The following SLAIN2 variants were observed in gnomAD, a reference collection of about 807,000 sequenced individuals.
The protein encoded by SLAIN2 is SLAIN family member 2.
In SLAIN2, 31 loss-of-function variants were observed where a neutral mutation model predicts 56.6. The observed-to-expected ratio is 0.55, with a 90% CI of 0.41 to 0.74. The LOEUF is 0.74. Ranked by LOEUF, SLAIN2 falls within the 30% of genes least tolerant of loss-of-function variation. The pLI, the probability that SLAIN2 is intolerant of heterozygous loss-of-function variation, is 0.00. For missense variants in SLAIN2, 777 were observed against 754.2 expected (o/e 1.03, Z -0.35); for synonymous variants, 317 against 284.9 (o/e 1.11, Z -1.13).
chr4:48,394,383 T>G (rs1716323592), intron 6 of SLAIN2, among the ~76,000 whole-genome samples: 1 of 152,224 alleles, frequency 6.6e-6, no homozygotes, highest in South Asian at 2.1e-4. Flanking sequence ...TTCTATCCCC[T>G]TTTCTTTCCA....
intron 6 of SLAIN2, among the ~76,000 whole-genome samples, chr4:48,413,921 T>G (rs1034075091): frequency 3.3e-5 from 5 of 152,216 alleles, no homozygotes; most frequent in African/African-American, 1.2e-4. Flanking sequence ...ATGTATAATT[T>G]ATTCAGTTTT....
chr4:48,379,420 G>T (rs548095733), intron 3 of SLAIN2, among the ~76,000 whole-genome samples: 1 of 152,106 alleles, frequency 6.6e-6, no homozygotes, highest in South Asian at 2.1e-4. Context: ...TACTTGCCAG[G>T]CACTGTGCTG....
At chr4:48,342,187 C>T (rs963620615) in intron 1 of SLAIN2, 59 bp downstream of exon 1, 3 of 1,328,498 alleles carry the variant, frequency 2.3e-6, no homozygotes, top group Non-Finnish European at 2.9e-6. Flanking sequence ...CGGAGAGCGT[C>T]CTCTGAGGGT....
At chr4:48,383,534 T>G in intron 5 of SLAIN2, 113 bp from the exon 6 acceptor site, 1 of 1,009,166 alleles carries the variant, frequency 9.9e-7, no homozygotes, top group Non-Finnish European at 1.4e-6. Context: ...TATTTTCTCA[T>G]CTAAAATAAA....
At chr4:48,411,549 C>CATTT (rs1716847215) in intron 6 of SLAIN2, among the ~76,000 whole-genome samples, 1 of 151,448 alleles carries the variant, frequency 6.6e-6, no homozygotes, top group Non-Finnish European at 1.5e-5. Flanking sequence ...ATCTGGACTT[C>CATTT]ATTTTCCTTT....
intron 6 of SLAIN2, among the ~76,000 whole-genome samples, chr4:48,400,388 CTTTTTTTTTTTTT>C (rs3081372): frequency 4.1e-5 from 4 of 96,440 alleles, no homozygotes; most frequent in Non-Finnish European, 7.8e-5. Context: ...TTTGATTCTT[CTTTTTTTTTTTTT>C]TTTTTTTTTT....
At chr4:48,347,514 G>T (rs562232821) in intron 1 of SLAIN2, among the ~76,000 whole-genome samples, 17 of 152,318 alleles carry the variant, frequency 1.1e-4, no homozygotes, top group African/African-American at 3.8e-4. Context: ...CTCCCAAAGT[G>T]TTGGGATTAT....
rs1345265677 is a variant in SLAIN2, at chr4:48,383,704, C to T, written c.1280C>T (p.Ser427Leu). 1 of 1,610,386 alleles carries T rather than the reference C, an allele frequency of 6.2e-7. No homozygotes were observed. Among genetic ancestry groups the T allele is most frequent in the Non-Finnish European group, 8.5e-7 (1 of 1,177,790 alleles). Residue 427 changes from serine (S) to leucine (L), a missense_variant, in exon 6 of 8, where the codon TCA (serine) becomes TTA (leucine). By Grantham distance (145) the Ser-to-Leu change is moderately radical. Coordinates refer to ENST00000264313, the MANE Select transcript of SLAIN2 (RefSeq NM_020846.2). ...LSRTSNTQVD[S>L]VKSSRSDSNF... ...CGAACATCTAATACACAAGTTGACT[C>T]AGTGAAAAGCAGCAGAAGTGACTCA...
At chr4:48,351,194 T>C (rs1317925816) in intron 1 of SLAIN2, among the ~76,000 whole-genome samples, 1 of 152,208 alleles carries the variant, frequency 6.6e-6, no homozygotes, top group Non-Finnish European at 1.5e-5. Context: ...TGGGCCAAGC[T>C]AGTCTGTAAG....
chr4:48,385,747 C>T (rs902173596), intron 6 of SLAIN2, among the ~76,000 whole-genome samples: 8 of 151,488 alleles, frequency 5.3e-5, no homozygotes, highest in Admixed American at 4.0e-4. Flanking sequence ...GATCCTCCTG[C>T]GTAGCTGGGA....
intron 2 of SLAIN2, among the ~76,000 whole-genome samples, chr4:48,376,625 T>A (rs1486201796): frequency 2.8e-5 from 4 of 140,538 alleles, no homozygotes; most frequent in Non-Finnish European, 3.1e-5. Flanking sequence ...TTGACTTTTT[T>A]TTTTTTTTTT....
At chr4:48,346,223 CTT>C (rs1459734179) in intron 1 of SLAIN2, among the ~76,000 whole-genome samples, 6 of 152,032 alleles carry the variant, frequency 3.9e-5, no homozygotes, top group Non-Finnish European at 8.8e-5. Context: ...TTGGTCTGGA[CTT>C]TCTAGACACT....
At position 48,341,542 on chromosome 4, in the gene SLAIN2, G is replaced by T; in HGVS notation, c.-198G>T. ...GCCGCCTCCCCCAATCCCGGAGCCG[G>T]CGCAGATGAGGCAGTTCGGCTGGGG... On this transcript the variant is annotated 5_prime_UTR_variant, in exon 1 of 8. Coordinates refer to ENST00000264313, the MANE Select transcript of SLAIN2 (RefSeq NM_020846.2). The T allele has an allele frequency of 1.4e-6, 1 of 717,632 alleles. No homozygotes were observed. Among genetic ancestry groups the T allele is most frequent in the South Asian group, 3.0e-5 (1 of 32,954 alleles). 44.5% of individuals were successfully genotyped at this position (717,632 alleles called of 1,614,324 possible). A position where few individuals can be genotyped will look rare whatever the true frequency, so the allele number is the denominator to read the frequency against.
chr4:48,400,648 G>A (rs1716526608), intron 6 of SLAIN2, among the ~76,000 whole-genome samples: 1 of 151,888 alleles, frequency 6.6e-6, no homozygotes, highest in South Asian at 2.1e-4. Context: ...GTGATCGCCC[G>A]CCTTGGCCTC....
At chr4:48,407,547 C>G (rs1716730773) in intron 6 of SLAIN2, among the ~76,000 whole-genome samples, 1 of 151,724 alleles carries the variant, frequency 6.6e-6, no homozygotes, top group Non-Finnish European at 1.5e-5. Flanking sequence ...GACTTCAGTC[C>G]TTTTCTATTG....
chr4:48,390,002 A>T (rs1006609068), intron 6 of SLAIN2, among the ~76,000 whole-genome samples: 4 of 152,200 alleles, frequency 2.6e-5, no homozygotes, highest in African/African-American at 9.7e-5. Context: ...AATCTAGGCA[A>T]GAAATTAAGA....
At chr4:48,353,701 G>T (rs1424957128) in intron 1 of SLAIN2, among the ~76,000 whole-genome samples, 3 of 152,168 alleles carry the variant, frequency 2.0e-5, no homozygotes, top group African/African-American at 7.2e-5. Flanking sequence ...TTTAGGCTGT[G>T]AAACAGTGGT....
intron 1 of SLAIN2, among the ~76,000 whole-genome samples, chr4:48,352,181 T>C (rs1208349097): frequency 6.6e-6 from 1 of 152,186 alleles, no homozygotes; most frequent in African/African-American, 2.4e-5. Flanking sequence ...ACACAAGTCA[T>C]AGCTACCTTT....
chr4:48,397,545 G>T (rs1389757267), intron 6 of SLAIN2, among the ~76,000 whole-genome samples: 1 of 152,164 alleles, frequency 6.6e-6, no homozygotes, highest in East Asian at 1.9e-4. Flanking sequence ...TGTGCAGGAT[G>T]TGCAGGTTTG....
Sources: allele counts gnomAD v4.1 joint callset (sites outside exome capture counted in the v4.1 genomes callset), GRCh38; gene constraint gnomAD v4.1.1; transcripts MANE v1.5; gene names NCBI Gene and HGNC (gene_info 2026-07-23, HGNC 2026-07-21).